The following PATJ variants were observed in gnomAD, a reference collection of about 807,000 sequenced individuals.
PATJ encodes inaD-like protein.
A neutral mutation model predicts 224.9 loss-of-function variants in PATJ; 190 were observed. The ratio of observed to expected loss-of-function variants is 0.84; its 90% CI spans 0.75 to 0.95. The LOEUF (loss-of-function observed/expected upper bound fraction) is 0.95. Among genes scored for constraint, PATJ ranks in the 40% least tolerant of loss-of-function variants. The pLI is 0.00. For missense variants in PATJ, 2,121 were observed against 2,270.3 expected (o/e 0.93, Z 1.34); for synonymous variants, 769 against 820.3 (o/e 0.94, Z 1.07).
chr1:61,811,984 C>T (rs574053386), intron 14 of PATJ, among the ~76,000 whole-genome samples: 10 of 151,802 alleles, frequency 6.6e-5, no homozygotes, highest in African/African-American at 1.7e-4. Flanking sequence ...TGGCGTGAAC[C>T]CGGGAGGCGG....
chr1:61,959,429 TTTTTC>T (rs1434710039), intron 27 of PATJ, among the ~76,000 whole-genome samples: 1 of 35,492 alleles, frequency 2.8e-5, no homozygotes, highest in African/African-American at 7.7e-5. Context: ...TAATATATTT[TTTTTC>T]TTTTCTTTTT....
chr1:61,950,753 A>G (rs1339566532), intron 27 of PATJ, among the ~76,000 whole-genome samples: 3 of 152,122 alleles, frequency 2.0e-5, no homozygotes, highest in African/African-American at 7.2e-5. Context: ...GCAAAATAGG[A>G]TGGAAAAGTG....
intron 31 of PATJ, among the ~76,000 whole-genome samples, chr1:62,064,429 A>C (rs1293911775): frequency 6.6e-6 from 1 of 151,852 alleles, no homozygotes; most frequent in African/African-American, 2.4e-5. Flanking sequence ...CCCAGGTTCA[A>C]GCGATTCTCT....
chr1:61,893,392 A>C (rs1331138189), intron 22 of PATJ, among the ~76,000 whole-genome samples: 1 of 152,138 alleles, frequency 6.6e-6, no homozygotes, highest in African/African-American at 2.4e-5. Flanking sequence ...GAGAGTTGGC[A>C]ATTTAGGAAA....
In PATJ at chr1:61,871,435, G is replaced by GTATATATATACACATATATA. The variant is rs72255413; in HGVS notation, c.2836-3807_2836-3806insATATATATACACATATATAT. 2.5e-3 allele frequency among the ~76,000 whole-genome samples: 182 copies of GTATATATATACACATATATA among 72,168 alleles called. 6 individuals are homozygous for GTATATATATACACATATATA. Among genetic ancestry groups the GTATATATATACACATATATA allele is most frequent in the Middle Eastern group, 7.0e-3 (1 of 142 alleles). 47.3% of individuals were successfully genotyped at this position (72,168 alleles called of 152,430 possible). On this transcript the variant is annotated intron_variant, in intron 20 of 43. Transcript: ENST00000642238. ...TATACATATATATGTACATATATAT[G>GTATATATATACACATATATA]TGTATATACACATATATATGCGTAT...
chr1:61,871,575 T>A (rs1318015731), intron 20 of PATJ, among the ~76,000 whole-genome samples: 2 of 86,066 alleles, frequency 2.3e-5, no homozygotes, highest in African/African-American at 4.5e-5. Context: ...TTTTTTTTTT[T>A]TTTTTGAGAT....
chr1:61,984,148 A>AATTATT (rs71577219), intron 27 of PATJ, among the ~76,000 whole-genome samples: 260 of 141,272 alleles, frequency 1.8e-3, no homozygotes, highest in Non-Finnish European at 2.5e-3. Context: ...AAATACGCTC[A>AATTATT]ATTATTATTA....
At chr1:61,909,957 A>G (rs980063022) in intron 25 of PATJ, among the ~76,000 whole-genome samples, 32 of 152,338 alleles carry the variant, frequency 2.1e-4, no homozygotes, top group African/African-American at 7.5e-4. Flanking sequence ...TCTTAGCACT[A>G]TGTTTACATC....
intron 17 of PATJ, among the ~76,000 whole-genome samples, chr1:61,845,780 T>C (rs1661845117): frequency 6.6e-6 from 1 of 152,212 alleles, no homozygotes; most frequent in Non-Finnish European, 1.5e-5. Flanking sequence ...GGCTGTGTTG[T>C]CAGACAATCT....
intron 25 of PATJ, among the ~76,000 whole-genome samples, chr1:61,910,060 A>T (rs957047841): frequency 2.6e-4 from 39 of 152,236 alleles, no homozygotes; most frequent in African/African-American, 8.9e-4. Context: ...TCAGTTTTTA[A>T]TTCTTACAAT....
chr1:61,914,640 G>T lies in PATJ; in HGVS notation c.3546G>T (p.Gln1182His). The change falls in exon 26 of 44, where the codon CAG becomes CAT. Residue 1182 changes from glutamine (Q) to histidine (H), a missense_variant. By Grantham distance (24) the Gln-to-His change is conservative (BLOSUM62 0). Coordinates refer to ENST00000642238, the MANE Select transcript of PATJ (RefSeq NM_001350145.3). The stretch of plus-strand genomic sequence containing the variant: ...ACAAAATCACCGGTAACCAGAACCA[G>T]GACACCCAAGAAAAGAAAGAAAAGG... ...KANKITGNQN[Q>H]DTQEKKEKRQ... 1.3e-6 allele frequency: 2 copies of T among 1,578,180 alleles called. No homozygotes were observed. The highest frequency in any genetic ancestry group is 1.1e-5 in the South Asian group (1 of 90,200).
chr1:62,037,860 T>A, intron 29 of PATJ, 117 bp from the exon 30 acceptor site: 2 of 371,650 alleles, frequency 5.4e-6, no homozygotes, highest in East Asian at 4.6e-5. Context: ...ATATATATAT[T>A]TAATTCTATG....
At chr1:61,980,447 G>C (rs1187132700) in intron 27 of PATJ, among the ~76,000 whole-genome samples, 1 of 96,714 alleles carries the variant, frequency 1.0e-5, no homozygotes, top group Admixed American at 9.4e-5. Context: ...TTGTGTGTGT[G>C]TGTGTGTGTG....
intron 28 of PATJ, among the ~76,000 whole-genome samples, chr1:61,996,294 G>C (rs912392461): frequency 1.3e-5 from 2 of 152,114 alleles, no homozygotes; most frequent in Non-Finnish European, 2.9e-5. Flanking sequence ...ACTGGCCCAG[G>C]TATACATGCA....
intron 33 of PATJ, among the ~76,000 whole-genome samples, chr1:62,087,424 G>A (rs114051284): frequency 0.019 from 2,952 of 151,874 alleles, 105 homozygotes; most frequent in African/African-American, 0.068. Flanking sequence ...AGCAACATTC[G>A]ATTGGTAAAA....
At chr1:62,054,778 G>A (rs994749166) in intron 31 of PATJ, among the ~76,000 whole-genome samples, 3 of 151,816 alleles carry the variant, frequency 2.0e-5, no homozygotes, top group Non-Finnish European at 2.9e-5. Context: ...GTTTTTTCGC[G>A]GGGTACGGTG....
rs962445160 is a variant in PATJ, at chr1:62,086,139, A to G, written c.4377+1491A>G. 4.6e-5 allele frequency among the ~76,000 whole-genome samples: 7 copies of G among 152,138 alleles called. No individual in the cohort carries two copies. The highest frequency in any genetic ancestry group is 3.9e-4 in the East Asian group (2 of 5,172). ...AGGATGATTGATTTTTCATTATTCA[A>G]TACCTTTTGTTTATCACTGCTCAGT... is the stretch of plus-strand genomic sequence containing the variant. On this transcript the variant is annotated intron_variant, in intron 33 of 43. Transcript: ENST00000642238. The surrounding 1 kb of genome is among the most constrained non-coding windows in gnomAD (Gnocchi z 4.0).
chr1:61,764,412 G>C (rs1646146286), intron 3 of PATJ, among the ~76,000 whole-genome samples: 1 of 67,306 alleles, frequency 1.5e-5, no homozygotes, highest in Non-Finnish European at 2.8e-5. Flanking sequence ...CAAATTAGCA[G>C]TTGTGGGATT....
At chr1:62,100,384 T>A (rs1221478943) in intron 33 of PATJ, 6 of 718,246 alleles carry the variant, frequency 8.4e-6, no homozygotes, top group Non-Finnish European at 1.6e-5. Flanking sequence ...TGCTGCATCA[T>A]CCTGTGACAG....
Sources: gnomAD v4.1 joint callset for allele counts (sites outside exome capture counted in the v4.1 genomes callset) on GRCh38, gnomAD v4.1.1 for gene constraint, Gnocchi (gnomAD v3.1) non-coding constraint, MANE v1.5 for transcripts, NCBI Gene and HGNC (gene_info 2026-07-23, HGNC 2026-07-21) for gene names.